MARF1: variants seen among roughly 807,000 people sequenced by gnomAD.
MARF1 encodes limkain-b1.
A neutral mutation model predicts 168.2 loss-of-function variants in MARF1; 24 were observed. The observed-to-expected ratio is 0.14, with a 90% CI of 0.10 to 0.20. The LOEUF is 0.20. Ranked by LOEUF, MARF1 falls within the 10% of genes least tolerant of loss-of-function variation. The pLI, the probability that MARF1 is intolerant of heterozygous loss-of-function variation, is 1.00. For synonymous variants in MARF1, 868 were observed against 822.4 expected, an observed-to-expected ratio of 1.06 and a Z score of -0.95; for missense variants, 1,744 against 2,143.6, an observed-to-expected ratio of 0.81 and a Z score of 3.68.
At chr16:15,631,316 T>G in intron 6 of MARF1, 65 bp downstream of exon 6, 1 of 1,095,138 alleles carries the variant, frequency 9.1e-7, no homozygotes, top group Non-Finnish European at 1.4e-6. Flanking sequence ...CACATGTTGC[T>G]GGCTTCTATG....
chr16:15,599,911 G>A (rs991983455), intron 25 of MARF1, among the ~76,000 whole-genome samples: 2 of 152,158 alleles, frequency 1.3e-5, no homozygotes, highest in African/African-American at 4.8e-5. Context: ...GCTCGCTCTA[G>A]AGTCTTAGCT....
chr16:15,619,088 C>A (rs999347404), intron 13 of MARF1, among the ~76,000 whole-genome samples: 1 of 152,148 alleles, frequency 6.6e-6, no homozygotes, highest in Non-Finnish European at 1.5e-5. Context: ...CCACCCTGGG[C>A]AACATAGCAA....
intron 20 of MARF1, among the ~76,000 whole-genome samples, chr16:15,609,217 C>T (rs142858272): frequency 5.2e-4 from 79 of 151,978 alleles, no homozygotes; most frequent in African/African-American, 1.8e-3. Context: ...CCAGCCTGGG[C>T]GACAAGAAAG....
At chr16:15,635,626 A>G in intron 3 of MARF1, 30 bp downstream of exon 3, 6 of 1,585,970 alleles carry the variant, frequency 3.8e-6, no homozygotes, top group Non-Finnish European at 5.2e-6. Context: ...CCTCAGCTGC[A>G]CCCAACTTAA....
Position 15,600,519 on chromosome 16 carries a change from A to G in MARF1, c.4722T>C (p.Asn1574=). ...CGCCCTCCGAGGGCTGGTTTTCATGATTGGCAGGGGAGAGACTGAGTGAAC... is the reference window on the plus strand; with the variant it reads ...CGCCCTCCGAGGGCTGGTTTTCATGGTTGGCAGGGGAGAGACTGAGTGAAC... ...RLSSLSLSPA[N]HENQPSEGER... Residue 1574 remains asparagine (N), a synonymous_variant, in exon 25 of 27, where the codon AAT becomes AAC. Transcript: ENST00000396368. The G allele has an allele frequency of 6.2e-7, 1 of 1,614,178 alleles. No homozygotes were observed. The highest frequency in any genetic ancestry group is 8.5e-7 in the Non-Finnish European group (1 of 1,180,044).
At chr16:15,615,326 T>C (rs1301011568) in intron 16 of MARF1, among the ~76,000 whole-genome samples, 6 of 152,178 alleles carry the variant, frequency 3.9e-5, no homozygotes, top group Admixed American at 3.3e-4. Context: ...CAAGGCCCTA[T>C]CTAAAAAACA....
chr16:15,621,738 T>C lies in MARF1; in HGVS notation c.2634A>G (p.Leu878=). 1 of 1,613,988 alleles carries C rather than the reference T, an allele frequency of 6.2e-7. No individual in the cohort carries two copies. Among genetic ancestry groups the C allele is most frequent in the East Asian group, 2.2e-5 (1 of 44,892 alleles). ...ACAGCTTGCTTGTTTCTTACCTCAG[T>C]AAAGAGAGTGATTTGCTGGCAGCCC... The part of the protein sequence containing the change: ...ATGAASKSLS[L]LSAETMSVLQ... Residue 878 remains leucine (L), a synonymous_variant, in exon 12 of 27, where the codon TTA becomes TTG. Transcript: ENST00000396368.
At chr16:15,615,685 T>G (rs2033989397) in intron 16 of MARF1, 145 bp downstream of exon 16, 1 of 496,060 alleles carries the variant, frequency 2.0e-6, no homozygotes, top group East Asian at 3.3e-5. Context: ...TCAAGCATTT[T>G]AGGAATTTTC....
intron 23 of MARF1, chr16:15,601,566 T>C (rs531447280): frequency 3.7e-6 from 1 of 267,492 alleles, no homozygotes; most frequent in Admixed American, 4.8e-5. Context: ...TCATCCCCTT[T>C]GCCCAGAATG....
At chr16:15,603,551 C>T (rs533683173) in intron 22 of MARF1, among the ~76,000 whole-genome samples, 36 of 152,206 alleles carry the variant, frequency 2.4e-4, no homozygotes, top group Admixed American at 1.3e-3. Context: ...TCACTTGGTC[C>T]TGATGCCTTT....
chr16:15,600,587 G>A (rs775448834), intron 24 of MARF1, 34 bp from the exon 25 acceptor site: 4 of 1,614,200 alleles, frequency 2.5e-6, no homozygotes, highest in Non-Finnish European at 3.4e-6. Context: ...AGAGAGAAAT[G>A]TCAGTGAGAG....
intron 16 of MARF1, 104 bp from the exon 17 acceptor site, chr16:15,612,881 G>T: frequency 2.2e-6 from 2 of 922,202 alleles, no homozygotes; most frequent in Non-Finnish European, 1.7e-6. Context: ...TCATGGGGAA[G>T]CAAACAAAAC....
rs2034150908 is a variant in MARF1 at position 15,617,504 on chromosome 16, A to G, written c.2752T>C (p.Tyr918His). ...ATTGCGACCGTGTCTGTTAATTTAT[A>G]TAGATCTGACACATTCAACTTGTGT... ...FGHKLNVSDLYKLTDTVAIRE... is the reference protein window; with the variant it reads ...FGHKLNVSDLHKLTDTVAIRE... Residue 918 changes from tyrosine (Y) to histidine (H), a missense_variant, in exon 14 of 27, where the codon TAT (tyrosine) becomes CAT (histidine). Tyr to His is a moderately conservative substitution (Grantham distance 83). This residue lies in a region of MARF1 where 543 missense variants were observed against 742.1 expected (regional missense o/e 0.73). Coordinates refer to ENST00000396368, the MANE Select transcript of MARF1 (RefSeq NM_014647.4). The G allele has an allele frequency of 6.2e-7, 1 of 1,613,334 alleles. No homozygotes were observed. The highest frequency in any genetic ancestry group is 1.3e-5 in the African/African-American group (1 of 74,906).
intron 20 of MARF1, 52 bp downstream of exon 20, chr16:15,609,471 C>A: frequency 6.8e-7 from 1 of 1,462,694 alleles, no homozygotes; most frequent in South Asian, 1.2e-5. Flanking sequence ...AAAAGTATTT[C>A]CTATACGTTG....
chr16:15,607,928 G>A (rs1010556538), intron 21 of MARF1, among the ~76,000 whole-genome samples: 15 of 152,174 alleles, frequency 9.9e-5, no homozygotes, highest in African/African-American at 3.6e-4. Context: ...GGGCTCCCAA[G>A]AACGTCACAG....
At position 15,625,532 on chromosome 16, in the gene MARF1, A is replaced by G. The variant is rs774022671; in HGVS notation, c.1793T>C (p.Ile598Thr). 20 of 1,614,050 alleles carry G rather than the reference A, an allele frequency of 1.2e-5. No homozygotes were observed. Among genetic ancestry groups the G allele is most frequent in the Non-Finnish European group, 1.7e-5 (20 of 1,180,040 alleles). ...ELCETKSSNA[I>T]ADKVKSPKKL... ...TTTGGGAGACTTCACTTTATCAGCA[A>G]TTGCATTTGAACTCTTTGTTTCACA... Residue 598 changes from isoleucine to threonine, a missense_variant, in exon 8 of 27, where the codon ATT (isoleucine) becomes ACT (threonine). This residue lies in a region of MARF1 where 270 missense variants were observed against 260.6 expected (regional missense o/e 1.04). Transcript: ENST00000396368.
intron 5 of MARF1, 51 bp from the exon 6 acceptor site, chr16:15,631,549 T>C (rs780468601): frequency 4.0e-6 from 5 of 1,256,096 alleles, no homozygotes; most frequent in Admixed American, 1.9e-5. Flanking sequence ...GGCTAGAAAA[T>C]TGCTACACAT....
intron 7 of MARF1, among the ~76,000 whole-genome samples, chr16:15,627,473 C>T (rs2034948374): frequency 6.6e-6 from 1 of 152,090 alleles, no homozygotes; most frequent in Non-Finnish European, 1.5e-5. Context: ...ACAAAATTAG[C>T]CAGGCGTGGT....
intron 7 of MARF1, among the ~76,000 whole-genome samples, chr16:15,629,975 G>A (rs985556440): frequency 4.6e-5 from 7 of 152,086 alleles, no homozygotes; most frequent in East Asian, 1.9e-4. Context: ...GAGAACCCTC[G>A]CCATATTCTC....
Sources: gnomAD v4.1 joint callset for allele counts (sites outside exome capture counted in the v4.1 genomes callset) on GRCh38, gnomAD v4.1.1 for gene constraint, gnomAD v4.1.1 regional missense constraint, MANE v1.5 for transcripts, NCBI Gene and HGNC (gene_info 2026-07-23, HGNC 2026-07-21) for gene names.